Variants in FOXO1 observed in about 807,000 individuals in gnomAD.
FOXO1 encodes the protein forkhead box O1.
A neutral mutation model predicts 44.1 loss-of-function variants in FOXO1; 6 were observed. The observed-to-expected ratio is 0.14, with a 90% confidence interval of 0.07 to 0.27. FOXO1 has a LOEUF of 0.27. Ranked by LOEUF, FOXO1 falls within the 10% of genes least tolerant of loss-of-function variation. FOXO1 has a pLI of 1.00. For synonymous variants in FOXO1, 380 were observed against 362.7 expected, an observed-to-expected ratio of 1.05 and a Z score of -0.54; for missense variants, 737 against 888.8, an observed-to-expected ratio of 0.83 and a Z score of 2.17.
At chr13:40,562,261 G>A (rs1397432137) in intron 1 of FOXO1, among the ~76,000 whole-genome samples, 1 of 152,152 alleles carries the variant, frequency 6.6e-6, no homozygotes, top group Non-Finnish European at 1.5e-5. Context: ...CCTGGGATGG[G>A]AAGAAATGAC....
chr13:40,632,911 CA>C (rs61652588), intron 1 of FOXO1, among the ~76,000 whole-genome samples: 3,308 of 64,010 alleles, frequency 0.052, 96 homozygotes, highest in African/African-American at 0.17. Flanking sequence ...AACTCCATCT[CA>C]AAAAAAAAAA....
intron 1 of FOXO1, among the ~76,000 whole-genome samples, chr13:40,661,030 C>T (rs73469062): frequency 6.4e-4 from 98 of 152,294 alleles, no homozygotes; most frequent in African/African-American, 2.3e-3. Flanking sequence ...TTCTCGCCAT[C>T]CCCTCAACCA....
chr13:40,652,435 G>A (rs904879708), intron 1 of FOXO1, among the ~76,000 whole-genome samples: 2 of 151,994 alleles, frequency 1.3e-5, no homozygotes, highest in East Asian at 1.9e-4. Context: ...ACGAGGTTTC[G>A]CCATGTGGCC....
intron 1 of FOXO1, among the ~76,000 whole-genome samples, chr13:40,603,091 G>A (rs1233201326): frequency 8.5e-5 from 13 of 152,086 alleles, no homozygotes; most frequent in African/African-American, 4.8e-5. Flanking sequence ...ACAATTCAGG[G>A]GGCTGCCAAT....
chr13:40,626,839 G>C (rs17592468), intron 1 of FOXO1, among the ~76,000 whole-genome samples: 2 of 152,034 alleles, frequency 1.3e-5, no homozygotes, highest in African/African-American at 4.8e-5. Flanking sequence ...CTATGAACAA[G>C]TACCCAAGGG....
chr13:40,640,082 T>C (rs1415100599), intron 1 of FOXO1, among the ~76,000 whole-genome samples: 2 of 152,216 alleles, frequency 1.3e-5, no homozygotes, highest in South Asian at 2.1e-4. Context: ...CACAGGGCCA[T>C]AGATTCCACT....
intron 1 of FOXO1, among the ~76,000 whole-genome samples, chr13:40,592,959 T>C (rs1566069752): frequency 6.6e-6 from 1 of 152,204 alleles, no homozygotes; most frequent in East Asian, 1.9e-4. Context: ...ATTATGTTTA[T>C]AACACCATTA....
At position 40,558,931 on chromosome 13, in the gene FOXO1, T is replaced by G. The variant is rs1566060136; in HGVS notation, c.*118A>C. The G allele has an allele frequency of 2.0e-5, 8 of 398,512 alleles. No individual in the cohort carries two copies. Among genetic ancestry groups the G allele is most frequent in the East Asian group, 1.8e-4 (5 of 28,042 alleles). The allele number at this position is 398,512 out of a possible 1,614,324, so 24.7% of individuals were successfully genotyped here. A position where few individuals can be genotyped will look rare whatever the true frequency, so the allele number is the denominator to read the frequency against. On this transcript the variant is annotated 3_prime_UTR_variant, in exon 3 of 3. Transcript: ENST00000379561. ...AAAAGGAGGGTTTTTTTTTTTGTTT[T>G]TTTTTTTAACCAAGAAAACTAAAAG...
At position 40,572,597 on chromosome 13, in the gene FOXO1, G is replaced by A. The variant is rs76018406; in HGVS notation, c.631-11737C>T. Among the ~76,000 whole-genome samples, 951 of 152,248 alleles carry A rather than the reference G, an allele frequency of 6.2e-3. 42 individuals are homozygous for A. The East Asian group carries it at 0.14, about 22-fold the overall frequency. On this transcript the variant is annotated intron_variant, in intron 1 of 2. Transcript: ENST00000379561. Reference sequence around the variant, plus strand: ...AATGCAACAACGACTCGAGACTGCCGAATATATATGTTTGTTTATATACCA... The same window carrying A: ...AATGCAACAACGACTCGAGACTGCCAAATATATATGTTTGTTTATATACCA...
chr13:40,610,321 C>A (rs1457088679), intron 1 of FOXO1, among the ~76,000 whole-genome samples: 3 of 152,118 alleles, frequency 2.0e-5, no homozygotes, highest in Admixed American at 6.5e-5. Context: ...CTATTTGGCA[C>A]CATCTAAAAC....
intron 1 of FOXO1, among the ~76,000 whole-genome samples, chr13:40,588,391 T>C (rs936773034): frequency 2.6e-5 from 4 of 152,210 alleles, no homozygotes; most frequent in African/African-American, 9.6e-5. Flanking sequence ...GCCTACCTTT[T>C]CTTTTTCCAT....
intron 1 of FOXO1, among the ~76,000 whole-genome samples, chr13:40,588,642 T>A (rs1593390137): frequency 6.6e-6 from 1 of 152,182 alleles, no homozygotes; most frequent in East Asian, 1.9e-4. Flanking sequence ...CTGTTATCCA[T>A]CTAATCTCAA....
At chr13:40,642,545 G>T (rs1489241405) in intron 1 of FOXO1, among the ~76,000 whole-genome samples, 3 of 152,160 alleles carry the variant, frequency 2.0e-5, no homozygotes, top group South Asian at 4.1e-4. Context: ...ATCCTAACAT[G>T]ATCAGCTCAG....
intron 1 of FOXO1, among the ~76,000 whole-genome samples, chr13:40,614,435 T>C (rs754694061): frequency 7.9e-5 from 12 of 152,200 alleles, no homozygotes; most frequent in Non-Finnish European, 1.6e-4. Flanking sequence ...AAGAGGGACC[T>C]ACAGGACTCA....
rs537093721 is a variant in FOXO1, at chr13:40,597,494, G to C, written c.631-36634C>G. Among the ~76,000 whole-genome samples, 9 of 152,246 alleles carry C rather than the reference G, an allele frequency of 5.9e-5. No homozygotes were observed. In the East Asian group the frequency reaches 1.7e-3, roughly 29 times the overall value. On this transcript the variant is annotated intron_variant, in intron 1 of 2. Transcript: ENST00000379561. ...CAGTCCGAGCTGCATCCCTAACTGT[G>C]ATCAGGACCTGTAAAGGACAGCCCA...
rs566661359 is a variant in FOXO1 at position 40,662,864 on chromosome 13, G to A, written c.630+2719C>T. Among the ~76,000 whole-genome samples, 270 of 152,340 alleles carry A rather than the reference G, an allele frequency of 1.8e-3. 1 individual carries two copies. The highest frequency in any genetic ancestry group is 5.8e-3 in the African/African-American group (242 of 41,576). ...AACTGGATTTAAGTTAAAATTCATA[G>A]TAAAATTTCTCTTTTATGACTCTTA... On this transcript the variant is annotated intron_variant, in intron 1 of 2. Transcript: ENST00000379561.
intron 1 of FOXO1, among the ~76,000 whole-genome samples, chr13:40,594,589 T>C (rs1042453215): frequency 6.6e-6 from 1 of 152,210 alleles, no homozygotes; most frequent in African/African-American, 2.4e-5. Flanking sequence ...CCTCACACTT[T>C]TCTCCAATAA....
intron 1 of FOXO1, among the ~76,000 whole-genome samples, chr13:40,629,939 TACA>T (rs1430333913): frequency 1.3e-5 from 2 of 152,340 alleles, no homozygotes; most frequent in African/African-American, 4.8e-5. Flanking sequence ...CCAGAGGACC[TACA>T]ACAAGTAGCC....
chr13:40,573,495 AG>A (rs1874626250), intron 1 of FOXO1, among the ~76,000 whole-genome samples: 1 of 152,222 alleles, frequency 6.6e-6, no homozygotes, highest in Non-Finnish European at 1.5e-5. Context: ...GTAGGAAAAA[AG>A]GGATCCCTGA....
Sources: gnomAD v4.1 joint callset for allele counts (sites outside exome capture counted in the v4.1 genomes callset) on GRCh38, gnomAD v4.1.1 for gene constraint, MANE v1.5 for transcripts, NCBI Gene and HGNC (gene_info 2026-07-23, HGNC 2026-07-21) for gene names.